Variants in KCNG3 observed in about 807,000 individuals in gnomAD.
KCNG3 encodes potassium voltage-gated channel modifier subfamily G member 3, also known as voltage-gated potassium channel regulatory subunit KCNG3.
KCNG3 carries 15 observed loss-of-function variants against 29.0 expected under a neutral mutation model. That is an observed-to-expected ratio of 0.52 (90% confidence interval 0.35 to 0.80). The LOEUF is 0.80. Ranked by LOEUF, KCNG3 falls within the 30% of genes least tolerant of loss-of-function variation. KCNG3 has a pLI of 0.01. For synonymous variants in KCNG3, 322 were observed against 248.9 expected, an observed-to-expected ratio of 1.29 and a Z score of -2.76; for missense variants, 512 against 605.7, an observed-to-expected ratio of 0.85 and a Z score of 1.62.
chr2:42,469,131 A>T (rs538605034), intron 1 of KCNG3, among the ~76,000 whole-genome samples: 2 of 150,508 alleles, frequency 1.3e-5, no homozygotes, highest in Non-Finnish European at 3.0e-5. Flanking sequence ...AATTAATAGG[A>T]TGGCAGGCCG....
intron 1 of KCNG3, chr2:42,463,991 T>A: frequency 3.4e-6 from 1 of 290,136 alleles, no homozygotes; most frequent in South Asian, 3.2e-5. Flanking sequence ...GTGGGAGGCT[T>A]AACCATCTTC....
Position 42,457,491 on chromosome 2 carries a change from CA to C in KCNG3, c.666-12913del, listed in dbSNP as rs376764684. The stretch of plus-strand genomic sequence containing the variant: ...GCTGGGCGACAGAGAGACTTTGTTT[CA>C]AAAAAAAAGAGAGAAGTAACTAGAT... On this transcript the variant is annotated intron_variant, in intron 1 of 1. Transcript: ENST00000306078. Among the ~76,000 whole-genome samples, 42 of 148,332 alleles carry C rather than the reference CA, an allele frequency of 2.8e-4. No individual in the cohort carries two copies. The East Asian group carries it at 7.9e-3, about 28-fold the overall frequency.
chr2:42,423,765 T>C, the KCNG3 span, among the ~76,000 whole-genome samples: 1 of 148,924 alleles, frequency 6.7e-6, no homozygotes, highest in Non-Finnish European at 1.5e-5. Flanking sequence ...CTTCCACATA[T>C]GTGGCTAGAG....
chr2:42,492,658 G>A (rs996171659), intron 1 of KCNG3, among the ~76,000 whole-genome samples, 179 bp downstream of exon 1: 16 of 152,248 alleles, frequency 1.1e-4, no homozygotes, highest in African/African-American at 3.9e-4. Flanking sequence ...TGGTGCCCCG[G>A]ACAACGGGGT....
chr2:42,453,498 T>C (rs1572845175), intron 1 of KCNG3, among the ~76,000 whole-genome samples: 1 of 152,254 alleles, frequency 6.6e-6, no homozygotes, highest in African/African-American at 2.4e-5. Context: ...GCCATTCGTA[T>C]GTCTTCTTTT....
intron 1 of KCNG3, among the ~76,000 whole-genome samples, chr2:42,451,730 AAATT>A (rs1672759138): frequency 6.6e-6 from 1 of 151,818 alleles, no homozygotes; most frequent in Non-Finnish European, 1.5e-5. Context: ...TGTCTCAAAA[AAATT>A]AATTAATTAA....
intron 1 of KCNG3, among the ~76,000 whole-genome samples, chr2:42,448,380 TTTA>T (rs869046711): frequency 2.7e-5 from 4 of 149,672 alleles, no homozygotes; most frequent in Non-Finnish European, 4.4e-5. Flanking sequence ...TATTTATTTA[TTTA>T]TTTTTTGTAT....
chr2:42,460,464 C>A (rs2103688463), intron 1 of KCNG3, among the ~76,000 whole-genome samples: 2 of 152,140 alleles, frequency 1.3e-5, no homozygotes, highest in Admixed American at 1.3e-4. Flanking sequence ...GTAAGATATA[C>A]CCTCCCTAAC....
intron 1 of KCNG3, among the ~76,000 whole-genome samples, chr2:42,481,039 C>G (rs1233648832): frequency 6.6e-6 from 1 of 152,170 alleles, no homozygotes; most frequent in Non-Finnish European, 1.5e-5. Flanking sequence ...CCTCACCCTC[C>G]CAAAGTGCTG....
At chr2:42,487,915 G>C (rs745810526) in intron 1 of KCNG3, among the ~76,000 whole-genome samples, 3 of 152,174 alleles carry the variant, frequency 2.0e-5, no homozygotes, top group Admixed American at 2.0e-4. Context: ...CAGAATCAGG[G>C]AGCTCTTGGA....
chr2:42,415,268 G>T, the KCNG3 span, among the ~76,000 whole-genome samples: 1 of 152,140 alleles, frequency 6.6e-6, no homozygotes, highest in Admixed American at 6.5e-5. Context: ...GGTCTCATAT[G>T]TACAGATGTT....
At chr2:42,478,960 T>G (rs909029978) in intron 1 of KCNG3, among the ~76,000 whole-genome samples, 3 of 118,696 alleles carry the variant, frequency 2.5e-5, no homozygotes, top group African/African-American at 1.1e-4. Context: ...GTTTGAATTT[T>G]TTTTTTTTTT....
chr2:42,479,444 G>C (rs1673524343), intron 1 of KCNG3, among the ~76,000 whole-genome samples: 1 of 151,782 alleles, frequency 6.6e-6, no homozygotes, highest in African/African-American at 2.4e-5. Context: ...GGGAGTTTGA[G>C]ACCAGTTCTG....
chr2:42,400,734 C>T, the KCNG3 span, among the ~76,000 whole-genome samples: 19 of 151,640 alleles, frequency 1.3e-4, no homozygotes, highest in East Asian at 1.9e-3. Flanking sequence ...TTGGACCTGC[C>T]GGAGTTTTTA....
At chr2:42,451,110 CAGG>C (rs758227781) in intron 1 of KCNG3, among the ~76,000 whole-genome samples, 7 of 135,166 alleles carry the variant, frequency 5.2e-5, no homozygotes, top group African/African-American at 2.0e-4. Flanking sequence ...GAGACTGAGG[CAGG>C]AGAACTGCTT....
chr2:42,452,462 C>A (rs956435000), intron 1 of KCNG3, among the ~76,000 whole-genome samples: 1 of 151,458 alleles, frequency 6.6e-6, no homozygotes, highest in Non-Finnish European at 1.5e-5. Flanking sequence ...CTAGGTCTCA[C>A]TCATTCTTTC....
chr2:42,416,919 A>T, the KCNG3 span, among the ~76,000 whole-genome samples: 1 of 152,084 alleles, frequency 6.6e-6, no homozygotes, highest in African/African-American at 2.4e-5. Context: ...GAATCAAAAC[A>T]TCATGTCATA....
the KCNG3 span, among the ~76,000 whole-genome samples, chr2:42,394,034 G>A: frequency 1.3e-5 from 2 of 152,166 alleles, no homozygotes; most frequent in Non-Finnish European, 2.9e-5. Context: ...ACCTGTCTCA[G>A]CCTCCCAAAG....
the KCNG3 span, among the ~76,000 whole-genome samples, chr2:42,412,323 T>C: frequency 1.3e-5 from 2 of 152,268 alleles, no homozygotes; most frequent in Admixed American, 6.5e-5. Flanking sequence ...AAGGCCTAAT[T>C]ATTTTGGAAG....
Sources: allele counts gnomAD v4.1 joint callset (sites outside exome capture counted in the v4.1 genomes callset), GRCh38; gene constraint gnomAD v4.1.1; transcripts MANE v1.5; gene names NCBI Gene and HGNC (gene_info 2026-07-23, HGNC 2026-07-21).